The following TET1 variants were observed in gnomAD, a reference collection of about 807,000 sequenced individuals.
TET1 encodes tet methylcytosine dioxygenase 1.
In TET1, 13 loss-of-function variants were observed where a neutral mutation model predicts 148.7. That is an observed-to-expected ratio of 0.09 (90% CI 0.06 to 0.14). The LOEUF (loss-of-function observed/expected upper bound fraction) is 0.14. Ranked by LOEUF, TET1 falls within the 10% of genes least tolerant of loss-of-function variation. The pLI, the probability that TET1 is intolerant of heterozygous loss-of-function variation, is 1.00. For missense variants in TET1, 2,182 were observed against 2,553.8 expected, an observed-to-expected ratio of 0.85 and a Z score of 3.14; for synonymous variants, 907 against 937.2, an observed-to-expected ratio of 0.97 and a Z score of 0.59.
At chr10:68,624,099 C>A (rs12249173) in intron 3 of TET1, among the ~76,000 whole-genome samples, 1 of 148,032 alleles carries the variant, frequency 6.8e-6, no homozygotes, top group African/African-American at 2.5e-5. Flanking sequence ...TTCTTTCTTT[C>A]TTTTCTTTTT....
chr10:68,643,536 T>C (rs957665522), intron 3 of TET1, among the ~76,000 whole-genome samples: 5 of 152,062 alleles, frequency 3.3e-5, no homozygotes, highest in Admixed American at 3.3e-4. Context: ...AAATAATAGG[T>C]ATGGCTGTGC....
At chr10:68,635,738 C>T (rs1375597966) in intron 3 of TET1, among the ~76,000 whole-genome samples, 1 of 152,174 alleles carries the variant, frequency 6.6e-6, no homozygotes, top group Non-Finnish European at 1.5e-5. Flanking sequence ...TGCCTGTAAT[C>T]CCAGCCTTTT....
intron 3 of TET1, among the ~76,000 whole-genome samples, chr10:68,622,548 G>A (rs1461141009): frequency 6.6e-6 from 1 of 151,970 alleles, no homozygotes. Flanking sequence ...TTACAGGCAT[G>A]AGCCACCACA....
rs2055117712 is a variant in TET1 at position 68,661,699 on chromosome 10, G to T, written c.4462-5346G>T. Among the ~76,000 whole-genome samples, 3 of 151,666 alleles carry T rather than the reference G, an allele frequency of 2.0e-5. No homozygotes were observed. The South Asian group carries it at 6.2e-4, about 32-fold the overall frequency. On this transcript the variant is annotated intron_variant, in intron 6 of 11. Transcript: ENST00000373644. Reference sequence around the variant, plus strand: ...GGGGTCTCATTTCATTGCCCAGGCTGGTCTTTAACTCCTGGGCTCAAGAAA... The same window carrying T: ...GGGGTCTCATTTCATTGCCCAGGCTTGTCTTTAACTCCTGGGCTCAAGAAA...
chr10:68,625,476 T>A (rs2054464540), intron 3 of TET1, among the ~76,000 whole-genome samples: 1 of 152,138 alleles, frequency 6.6e-6, no homozygotes, highest in African/African-American at 2.4e-5. Context: ...TAAAAGCGGG[T>A]CACAAAAGGC....
chr10:68,609,551 C>T (rs745426855), intron 3 of TET1, among the ~76,000 whole-genome samples: 1 of 152,180 alleles, frequency 6.6e-6, no homozygotes, highest in Non-Finnish European at 1.5e-5. Context: ...AGCAATCATC[C>T]TGCCTTAGCC....
intron 3 of TET1, among the ~76,000 whole-genome samples, chr10:68,637,283 C>T (rs949170423): frequency 1.3e-5 from 2 of 151,958 alleles, no homozygotes; most frequent in South Asian, 4.2e-4. Context: ...ATTCACTGCT[C>T]CTGGCCAGCT....
chr10:68,636,956 C>G (rs1156380230), intron 3 of TET1, among the ~76,000 whole-genome samples: 1 of 87,020 alleles, frequency 1.1e-5, no homozygotes, highest in Non-Finnish European at 2.3e-5. Context: ...TAGCAGCTGA[C>G]TTTTGTTTTC....
chr10:68,565,488 A>G (rs2053598638), intron 1 of TET1, among the ~76,000 whole-genome samples: 1 of 105,260 alleles, frequency 9.5e-6, no homozygotes, highest in African/African-American at 3.2e-5. Flanking sequence ...ATATATATAT[A>G]TATATATATA....
intron 3 of TET1, among the ~76,000 whole-genome samples, chr10:68,624,970 G>A (rs1038910113): frequency 6.6e-6 from 1 of 151,348 alleles, no homozygotes; most frequent in African/African-American, 2.4e-5. Flanking sequence ...TCCTGACCTC[G>A]TGATCTGCCC....
chr10:68,661,661 T>C (rs2055117133), intron 6 of TET1, among the ~76,000 whole-genome samples: 1 of 151,756 alleles, frequency 6.6e-6, no homozygotes, highest in African/African-American at 2.4e-5. Flanking sequence ...TTTCTGGGGT[T>C]TGTTGTAGAG....
At chr10:68,564,350 T>C (rs2053584847) in intron 1 of TET1, among the ~76,000 whole-genome samples, 1 of 152,050 alleles carries the variant, frequency 6.6e-6, no homozygotes, top group Non-Finnish European at 1.5e-5. Context: ...GGATTCACCA[T>C]GTTGGCCAGG....
At chr10:68,687,798 A>T (rs562401775) in intron 11 of TET1, among the ~76,000 whole-genome samples, 2 of 152,118 alleles carry the variant, frequency 1.3e-5, no homozygotes, top group Non-Finnish European at 2.9e-5. Flanking sequence ...CCTGTTTGCC[A>T]GGCTGATCTG....
At chr10:68,623,174 TTAA>T (rs1183888727) in intron 3 of TET1, among the ~76,000 whole-genome samples, 2 of 152,210 alleles carry the variant, frequency 1.3e-5, no homozygotes, top group South Asian at 4.1e-4. Context: ...CCAATACATA[TTAA>T]TGTGGTGTTT....
At chr10:68,583,352 C>G (rs549056140) in intron 2 of TET1, among the ~76,000 whole-genome samples, 1 of 152,232 alleles carries the variant, frequency 6.6e-6, no homozygotes, top group South Asian at 2.1e-4. Flanking sequence ...AAAGCATCTC[C>G]TTTTGCATTA....
chr10:68,651,646 G>C (rs896832993), intron 4 of TET1, among the ~76,000 whole-genome samples, 200 bp from the exon 5 acceptor site: 2 of 151,722 alleles, frequency 1.3e-5, no homozygotes, highest in African/African-American at 4.8e-5. Flanking sequence ...GAAAGAATTC[G>C]TTAGGGGCAG....
intron 3 of TET1, among the ~76,000 whole-genome samples, chr10:68,611,290 C>CAA (rs994121942): frequency 7.1e-6 from 1 of 140,622 alleles, no homozygotes; most frequent in Non-Finnish European, 1.6e-5. Flanking sequence ...GACTCCTTCT[C>CAA]AAAAAAAAAA....
chr10:68,612,226 ACAACAGGGG>A (rs945796686), intron 3 of TET1, among the ~76,000 whole-genome samples: 1 of 151,878 alleles, frequency 6.6e-6, no homozygotes, highest in African/African-American at 2.4e-5. Flanking sequence ...ACTAGCTGGG[ACAACAGGGG>A]CACACCACCA....
intron 7 of TET1, among the ~76,000 whole-genome samples, chr10:68,670,349 A>G (rs1307188199): frequency 6.6e-6 from 1 of 152,212 alleles, no homozygotes; most frequent in Non-Finnish European, 1.5e-5. Flanking sequence ...TTTTGAAGCG[A>G]AAAGGCTAAT....
Sources: gnomAD v4.1 joint callset for allele counts (sites outside exome capture counted in the v4.1 genomes callset) on GRCh38, gnomAD v4.1.1 for gene constraint, MANE v1.5 for transcripts, NCBI Gene and HGNC (gene_info 2026-07-23, HGNC 2026-07-21) for gene names.